Variants in EXT1 observed in about 807,000 individuals in gnomAD.
The protein encoded by EXT1 is exostosin-1.
Under a neutral mutation model 82.5 loss-of-function variants are expected in EXT1, and 20 were observed. The observed-to-expected ratio is 0.24, with a 90% CI of 0.17 to 0.35. The LOEUF is 0.35. EXT1 is among the 10% of genes least tolerant of loss of function. EXT1 has a pLI of 1.00. For missense variants in EXT1, 757 were observed against 936.5 expected, an observed-to-expected ratio of 0.81 and a Z score of 2.50; for synonymous variants, 348 against 350.8, an observed-to-expected ratio of 0.99 and a Z score of 0.09.
intron 1 of EXT1, among the ~76,000 whole-genome samples, chr8:118,027,815 G>A (rs770285940): frequency 6.6e-6 from 1 of 152,172 alleles, no homozygotes; most frequent in Non-Finnish European, 1.5e-5. Context: ...AAATGGCAAA[G>A]GCTAAATTTG....
chr8:117,843,669 G>C (rs1812307753), intron 1 of EXT1, among the ~76,000 whole-genome samples: 1 of 152,048 alleles, frequency 6.6e-6, no homozygotes, highest in Non-Finnish European at 1.5e-5. Flanking sequence ...AGGTGACTGG[G>C]GTGTCACTGA....
intron 1 of EXT1, among the ~76,000 whole-genome samples, chr8:117,859,824 G>C (rs1231457644): frequency 6.6e-6 from 1 of 152,058 alleles, no homozygotes; most frequent in Non-Finnish European, 1.5e-5. Flanking sequence ...ATATACCATG[G>C]GATACTAACT....
intron 9 of EXT1, among the ~76,000 whole-genome samples, chr8:117,805,344 A>G (rs1156274554): frequency 1.3e-5 from 2 of 152,204 alleles, no homozygotes; most frequent in Non-Finnish European, 2.9e-5. Flanking sequence ...TCAGAACTGT[A>G]TTTAATATTA....
At chr8:117,899,935 GC>G (rs553296001) in intron 1 of EXT1, among the ~76,000 whole-genome samples, 23 of 152,252 alleles carry the variant, frequency 1.5e-4, no homozygotes, top group African/African-American at 5.3e-4. Context: ...GAGCAAAAGA[GC>G]CCCCTGATGA....
Position 118,063,027 on chromosome 8 carries a change from A to G in EXT1, c.962+47058T>C, listed in dbSNP as rs17505831. On this transcript the variant is annotated intron_variant, in intron 1 of 10. Transcript: ENST00000378204. ...AAGAAGGAGAAAATGTCTCATTTCT[A>G]CCTGAAAGAAAACATTAAATACAAA... Among the ~76,000 whole-genome samples the G allele has an allele frequency of 2.7e-3, 413 of 152,334 alleles. 6 individuals carry two copies. The South Asian group carries it at 0.036, about 13-fold the overall frequency.
chr8:117,995,719 C>T (rs11562771), intron 1 of EXT1, among the ~76,000 whole-genome samples: 1 of 152,146 alleles, frequency 6.6e-6, no homozygotes, highest in East Asian at 1.9e-4. Flanking sequence ...TTCAAAGATG[C>T]CCCTATGTGT....
At chr8:117,827,784 CAAAAAAAAAAA>C (rs768731740) in intron 4 of EXT1, among the ~76,000 whole-genome samples, 24 of 54,142 alleles carry the variant, frequency 4.4e-4, no homozygotes, top group South Asian at 1.2e-3. Context: ...GACTCTGTCT[CAAAAAAAAAAA>C]AAAAAAAAAA....
intron 1 of EXT1, among the ~76,000 whole-genome samples, chr8:117,866,793 CAAAAAAAAA>C (rs10709657): frequency 5.4e-5 from 5 of 91,848 alleles, no homozygotes; most frequent in African/African-American, 1.3e-4. Flanking sequence ...CTGGCCTACC[CAAAAAAAAA>C]AAAAAAAAAA....
At chr8:118,043,558 C>T (rs374015222) in intron 1 of EXT1, among the ~76,000 whole-genome samples, 174 of 152,282 alleles carry the variant, frequency 1.1e-3, no homozygotes, top group African/African-American at 3.9e-3. Context: ...TTATATGCTG[C>T]CTTAGCATCA....
chr8:118,092,680 C>T (rs1817543136), intron 1 of EXT1, among the ~76,000 whole-genome samples: 1 of 152,292 alleles, frequency 6.6e-6, no homozygotes, highest in African/African-American at 2.4e-5. Context: ...TCCCTCCGCA[C>T]GTGTTGGAAA....
intron 1 of EXT1, among the ~76,000 whole-genome samples, chr8:117,878,579 AGTT>A (rs1813008691): frequency 6.6e-6 from 1 of 152,198 alleles, no homozygotes; most frequent in African/African-American, 2.4e-5. Context: ...AGGTTGGCCA[AGTT>A]GTTTGTGATT....
rs199686903 is a variant in EXT1 at position 118,001,492 on chromosome 8, A to AT, written c.962+108592dup. ...GAGTCACCGCGCCCGGCCTCCATCC[A>AT]TTTTTTTTTTTAATTGAACATGCAG... On this transcript the variant is annotated intron_variant, in intron 1 of 10. Coordinates refer to ENST00000378204, the MANE Select transcript of EXT1 (RefSeq NM_000127.3). Among the ~76,000 whole-genome samples the AT allele has an allele frequency of 2.0e-3, 278 of 141,662 alleles. 1 individual carries two copies. The East Asian group carries it at 0.02, about 10-fold the overall frequency. The allele number at this position is 141,662 out of a possible 152,430, so 92.9% of individuals were successfully genotyped here. A position where few individuals can be genotyped will look rare whatever the true frequency, so the allele number is the denominator to read the frequency against.
chr8:118,036,070 G>A (rs1166075247), intron 1 of EXT1, among the ~76,000 whole-genome samples: 1 of 147,012 alleles, frequency 6.8e-6, no homozygotes, highest in African/African-American at 2.6e-5. Context: ...CTGTATCTCA[G>A]TCTTTTTTTT....
At chr8:117,939,119 T>G (rs1252862502) in intron 1 of EXT1, among the ~76,000 whole-genome samples, 1 of 152,134 alleles carries the variant, frequency 6.6e-6, no homozygotes, top group Admixed American at 6.6e-5. Context: ...ACCTATTCCA[T>G]GGACTGTCCC....
intron 1 of EXT1, among the ~76,000 whole-genome samples, chr8:117,839,918 A>G (rs879563783): frequency 9.2e-5 from 14 of 152,212 alleles, no homozygotes; most frequent in Non-Finnish European, 1.9e-4. Flanking sequence ...CCTGACAATG[A>G]GAAAATGCTG....
intron 1 of EXT1, among the ~76,000 whole-genome samples, chr8:118,088,457 A>C (rs916146618): frequency 4.0e-5 from 6 of 151,834 alleles, no homozygotes; most frequent in Non-Finnish European, 5.9e-5. Flanking sequence ...AGGACATGTC[A>C]AACAGTGGCT....
At chr8:117,814,106 G>C (rs943015027) in intron 7 of EXT1, among the ~76,000 whole-genome samples, 1 of 151,774 alleles carries the variant, frequency 6.6e-6, no homozygotes, top group African/African-American at 2.4e-5. Context: ...AGAAGGAGAA[G>C]AAGAAGAAAA....
chr8:118,084,769 G>A (rs895315049), intron 1 of EXT1, among the ~76,000 whole-genome samples: 11 of 152,298 alleles, frequency 7.2e-5, no homozygotes, highest in East Asian at 1.9e-4. Flanking sequence ...TGCTTTGCAC[G>A]ACTCTGGGCA....
In EXT1 at chr8:117,964,254, T is replaced by C. The variant is rs984195603; in HGVS notation, c.963-127053A>G. ...ATTAGTGGAATTCCAATGAAGTGCA[T>C]ATAATTCTTGTCTGCTAAGTTTTTA... On this transcript the variant is annotated intron_variant, in intron 1 of 10. Coordinates refer to ENST00000378204, the MANE Select transcript of EXT1 (RefSeq NM_000127.3). 9.8e-5 allele frequency among the ~76,000 whole-genome samples: 15 copies of C among 152,336 alleles called. No homozygotes were observed. The Middle Eastern group carries it at 0.01, about 104-fold the overall frequency.
Sources: allele counts gnomAD v4.1 joint callset (sites outside exome capture counted in the v4.1 genomes callset), GRCh38; gene constraint gnomAD v4.1.1; transcripts MANE v1.5; gene names NCBI Gene and HGNC (gene_info 2026-07-23, HGNC 2026-07-21).